ZNF804A: variants seen among roughly 807,000 people sequenced by gnomAD.
ZNF804A encodes the protein zinc finger protein 804A.
A neutral mutation model predicts 16.5 loss-of-function variants in ZNF804A; 2 were observed. The ratio of observed to expected loss-of-function variants is 0.12; its 90% CI spans 0.05 to 0.38. The LOEUF is 0.38. Among genes scored for constraint, ZNF804A ranks in the 10% least tolerant of loss-of-function variants. The probability of loss-of-function intolerance (pLI) is 0.99; values close to 1 mark genes in which losing one functional copy is unlikely to be tolerated. For synonymous variants in ZNF804A, 534 were observed against 489.6 expected, an observed-to-expected ratio of 1.09 and a Z score of -1.20; for missense variants, 1,473 against 1,390.7, an observed-to-expected ratio of 1.06 and a Z score of -0.94.
At chr2:184,908,768 C>T (rs1685316627) in intron 2 of ZNF804A, among the ~76,000 whole-genome samples, 1 of 152,118 alleles carries the variant, frequency 6.6e-6, no homozygotes, top group Non-Finnish European at 1.5e-5. Context: ...AAACAAACAA[C>T]TCTACAATTT....
At chr2:184,758,486 C>T (rs1693991716) in intron 1 of ZNF804A, among the ~76,000 whole-genome samples, 1 of 151,888 alleles carries the variant, frequency 6.6e-6, no homozygotes, top group South Asian at 2.1e-4. Flanking sequence ...GAGACTAAGG[C>T]ATAGTTCCCA....
At chr2:184,670,438 G>T (rs1000561191) in intron 1 of ZNF804A, among the ~76,000 whole-genome samples, 1 of 152,000 alleles carries the variant, frequency 6.6e-6, no homozygotes, top group Non-Finnish European at 1.5e-5. Context: ...GTTTCAGAGC[G>T]ATGCCTATTG....
At chr2:184,641,004 G>GA (rs892017269) in intron 1 of ZNF804A, among the ~76,000 whole-genome samples, 4 of 152,024 alleles carry the variant, frequency 2.6e-5, no homozygotes, top group Non-Finnish European at 4.4e-5. Flanking sequence ...GCTCAGGCTG[G>GA]AGTGCGGTGG....
At chr2:184,869,251 C>A (rs1169970970) in intron 2 of ZNF804A, among the ~76,000 whole-genome samples, 3 of 152,120 alleles carry the variant, frequency 2.0e-5, no homozygotes, top group African/African-American at 7.2e-5. Context: ...GTCTTTCCTA[C>A]AACTTGTATG....
At chr2:184,930,759 A>G (rs1224843337) in intron 2 of ZNF804A, among the ~76,000 whole-genome samples, 1 of 152,222 alleles carries the variant, frequency 6.6e-6, no homozygotes, top group African/African-American at 2.4e-5. Context: ...TGGAACAGAA[A>G]TGTTATAAAC....
At chr2:184,659,935 C>T (rs1692142490) in intron 1 of ZNF804A, among the ~76,000 whole-genome samples, 1 of 152,148 alleles carries the variant, frequency 6.6e-6, no homozygotes, top group African/African-American at 2.4e-5. Context: ...GTGTCAATTT[C>T]AGAACCTTAA....
At chr2:184,656,509 T>TTACA (rs1255231785) in intron 1 of ZNF804A, among the ~76,000 whole-genome samples, 1 of 152,108 alleles carries the variant, frequency 6.6e-6, no homozygotes, top group African/African-American at 2.4e-5. Flanking sequence ...AAAGTAGTGC[T>TTACA]TACATATACC....
At chr2:184,629,610 T>C (rs1430557711) in intron 1 of ZNF804A, among the ~76,000 whole-genome samples, 4 of 152,180 alleles carry the variant, frequency 2.6e-5, no homozygotes, top group Middle Eastern at 3.2e-3. Flanking sequence ...CAGTTGTATG[T>C]AACATTAAAA....
chr2:184,791,454 T>C (rs1694539203), intron 1 of ZNF804A, among the ~76,000 whole-genome samples: 1 of 152,202 alleles, frequency 6.6e-6, no homozygotes, highest in Non-Finnish European at 1.5e-5. Context: ...TTGGCTAGTA[T>C]TTTTTCTTAA....
intron 1 of ZNF804A, among the ~76,000 whole-genome samples, chr2:184,666,255 TATC>T (rs2105709458): frequency 6.6e-6 from 1 of 152,276 alleles, no homozygotes; most frequent in South Asian, 2.1e-4. Context: ...TAATATCGTA[TATC>T]ATATTTGATT....
chr2:184,625,394 ATATAAG>A (rs1360741899), intron 1 of ZNF804A, among the ~76,000 whole-genome samples: 1 of 152,156 alleles, frequency 6.6e-6, no homozygotes, highest in African/African-American at 2.4e-5. Flanking sequence ...TAACATTATT[ATATAAG>A]TATAATTTTA....
intron 1 of ZNF804A, among the ~76,000 whole-genome samples, chr2:184,730,344 T>A (rs1282784231): frequency 2.0e-5 from 3 of 152,146 alleles, no homozygotes; most frequent in African/African-American, 7.2e-5. Flanking sequence ...ACCAGAGTAG[T>A]ATATTTGTTA....
At chr2:184,619,121 GT>G (rs1456789333) in intron 1 of ZNF804A, among the ~76,000 whole-genome samples, 1 of 152,030 alleles carries the variant, frequency 6.6e-6, no homozygotes, top group African/African-American at 2.4e-5. Context: ...CAAGGAGCCT[GT>G]GAGCAGACGT....
chr2:184,933,499 A>G, intron 2 of ZNF804A, 104 bp from the exon 3 acceptor site: 1 of 1,085,374 alleles, frequency 9.2e-7, no homozygotes. Context: ...ACCTCTCGAC[A>G]AGGTCAAAGA....
At chr2:184,686,385 C>T (rs888750375) in intron 1 of ZNF804A, among the ~76,000 whole-genome samples, 1 of 152,232 alleles carries the variant, frequency 6.6e-6, no homozygotes, top group South Asian at 2.1e-4. Flanking sequence ...CTGTTGCCAT[C>T]ATGTGTACCA....
chr2:184,746,109 A>G (rs575981739), intron 1 of ZNF804A, among the ~76,000 whole-genome samples: 12 of 151,566 alleles, frequency 7.9e-5, no homozygotes, highest in Non-Finnish European at 1.6e-4. Flanking sequence ...TTGATAAAAT[A>G]CATACACACA....
intron 1 of ZNF804A, among the ~76,000 whole-genome samples, chr2:184,780,852 C>G (rs116511207): frequency 5.9e-5 from 9 of 151,694 alleles, no homozygotes; most frequent in Non-Finnish European, 4.4e-5. Context: ...TGGCTCTGTC[C>G]TTAACTTCAG....
intron 1 of ZNF804A, among the ~76,000 whole-genome samples, chr2:184,793,671 C>T (rs747669989): frequency 7.2e-5 from 11 of 152,078 alleles, no homozygotes; most frequent in East Asian, 3.9e-4. Flanking sequence ...CACTCATAAC[C>T]GGAGCATTAT....
chr2:184,817,948 G>A (rs1455451617), intron 1 of ZNF804A, among the ~76,000 whole-genome samples: 1 of 151,992 alleles, frequency 6.6e-6, no homozygotes. Flanking sequence ...GTACCTGAAA[G>A]AGACAGGAGA....
Sources: allele counts gnomAD v4.1 joint callset (sites outside exome capture counted in the v4.1 genomes callset), GRCh38; gene constraint gnomAD v4.1.1; transcripts MANE v1.5; gene names NCBI Gene and HGNC (gene_info 2026-07-23, HGNC 2026-07-21).